The following OTUD7A variants were observed in gnomAD, a reference collection of about 807,000 sequenced individuals.
OTUD7A encodes OTU domain-containing protein 7A.
In OTUD7A, 12 loss-of-function variants were observed where a neutral mutation model predicts 65.7. The observed-to-expected ratio is 0.18, with a 90% CI of 0.12 to 0.30. The LOEUF (loss-of-function observed/expected upper bound fraction) is 0.30. OTUD7A is among the 10% of genes least tolerant of loss of function. OTUD7A has a pLI of 1.00. For missense variants in OTUD7A, 1,148 were observed against 1,304.8 expected, an observed-to-expected ratio of 0.88 and a Z score of 1.85; for synonymous variants, 641 against 586.3, an observed-to-expected ratio of 1.09 and a Z score of -1.35.
At chr15:31,577,832 A>ACC (rs1277637835) in intron 3 of OTUD7A, among the ~76,000 whole-genome samples, 1 of 151,638 alleles carries the variant, frequency 6.6e-6, no homozygotes, top group African/African-American at 2.4e-5. Context: ...AAAAAAAAAA[A>ACC]AACAACACAG....
At chr15:31,629,868 G>A (rs570558447) in intron 3 of OTUD7A, among the ~76,000 whole-genome samples, 1 of 152,344 alleles carries the variant, frequency 6.6e-6, no homozygotes, top group East Asian at 1.9e-4. Context: ...AGATTTTCTA[G>A]TTTATTTGTG....
intron 1 of OTUD7A, among the ~76,000 whole-genome samples, chr15:31,826,158 G>A (rs575949908): frequency 2.0e-5 from 3 of 152,234 alleles, no homozygotes; most frequent in African/African-American, 4.8e-5. Context: ...TCTGTGTGGG[G>A]CTCCGACCCC....
chr15:31,771,603 G>C (rs1895236227), intron 1 of OTUD7A, among the ~76,000 whole-genome samples: 1 of 152,142 alleles, frequency 6.6e-6, no homozygotes, highest in Non-Finnish European at 1.5e-5. Context: ...TTGAATGAAT[G>C]CAACAGCCAC....
In OTUD7A at chr15:31,484,297, T is replaced by G; in HGVS notation, c.1799A>C (p.Asp600Ala). The change falls in exon 13 of 13, where the codon GAC (aspartate) becomes GCC (alanine). Residue 600 changes from aspartate (D) to alanine (A), a missense_variant. Around this residue, in one of 6 missense-constraint regions of OTUD7A, gnomAD observed 842 missense variants for 769.5 expected, o/e 1.09. Coordinates refer to ENST00000307050, the MANE Select transcript of OTUD7A (RefSeq NM_001382637.1). This position sits in a 1 kb window ranked among gnomAD's most constrained non-coding sequence, Gnocchi z 4.5. ...CGCCGGCGACGCGCCCGCTGCCTTG[T>G]CTGTGGGCGACGGCGTGGTCTTTTC... ...PSEKTTPSPT[D>A]KAAGASPAEK... The G allele has an allele frequency of 6.3e-7, 1 of 1,595,978 alleles. No homozygotes were observed. The highest frequency in any genetic ancestry group is 8.5e-7 in the Non-Finnish European group (1 of 1,176,076).
At chr15:31,699,106 G>A (rs1893150464) in intron 1 of OTUD7A, among the ~76,000 whole-genome samples, 1 of 147,488 alleles carries the variant, frequency 6.8e-6, no homozygotes, top group Admixed American at 6.8e-5. Context: ...TTGAGATGGA[G>A]TCTCGCTTTG....
chr15:31,789,867 T>C (rs1313510602), intron 1 of OTUD7A, among the ~76,000 whole-genome samples: 2 of 152,062 alleles, frequency 1.3e-5, no homozygotes, highest in African/African-American at 2.4e-5. Context: ...AGAAACCCTA[T>C]CTCTACTAAA....
chr15:31,858,525 C>T (rs544511131), intron 1 of OTUD7A, among the ~76,000 whole-genome samples: 6 of 152,286 alleles, frequency 3.9e-5, no homozygotes, highest in Middle Eastern at 6.8e-3. Context: ...TAGTTAAGGG[C>T]ACAAAGACTC....
intron 1 of OTUD7A, among the ~76,000 whole-genome samples, chr15:31,710,639 T>C (rs1046829491): frequency 2.6e-5 from 4 of 152,232 alleles, no homozygotes; most frequent in Non-Finnish European, 5.9e-5. Context: ...CCGGGTGGAA[T>C]GATCTGTGAA....
rs557312934 is a variant in OTUD7A, at chr15:31,610,189, G to A, written c.152-39992C>T. On this transcript the variant is annotated intron_variant, in intron 3 of 12. Transcript: ENST00000307050. ...AGACAAAACAAACTTTAAAGCAACA[G>A]CAGTTAAAAGAGACATGGAGGAGGG... Among the ~76,000 whole-genome samples the A allele has an allele frequency of 1.1e-4, 17 of 152,216 alleles. No individual in the cohort carries two copies. The South Asian group carries it at 3.5e-3, about 32-fold the overall frequency.
intron 3 of OTUD7A, among the ~76,000 whole-genome samples, chr15:31,583,022 G>A (rs1889419099): frequency 6.6e-6 from 1 of 151,802 alleles, no homozygotes; most frequent in African/African-American, 2.4e-5. Flanking sequence ...AAGGATTGTT[G>A]AGTGAGAAAA....
rs2141382586 is a variant in OTUD7A at position 31,749,815 on chromosome 15, C to A, written c.-99-92738G>T. Among the ~76,000 whole-genome samples, 2 of 151,924 alleles carry A rather than the reference C, an allele frequency of 1.3e-5. 1 individual carries two copies. The highest frequency in any genetic ancestry group is 3.8e-4 in the East Asian group (2 of 5,204). On this transcript the variant is annotated intron_variant, in intron 1 of 12. Transcript: ENST00000307050. ...ACATAATTCCATACCTTGTAAAACC[C>A]TAAAGATGCCATGAAAAGGGCACTA...
rs1344789704 is a variant in OTUD7A at position 31,477,166 on chromosome 15, C to G, written c.*6128G>C. ...TGAGCCGGTTAATGTTTGTGACAAG[C>G]TCCTCTTCCTCTGCAGCCTTGCTTT... is the stretch of plus-strand genomic sequence containing the variant. On this transcript the variant is annotated 3_prime_UTR_variant, in exon 13 of 13. Transcript: ENST00000307050. 6.6e-6 allele frequency: 1 copy of G among 152,284 alleles called. No homozygotes were observed. Among genetic ancestry groups the G allele is most frequent in the Non-Finnish European group, 1.5e-5 (1 of 68,076 alleles). The allele number at this position is 152,284 out of a possible 1,614,324, so 9.4% of individuals were successfully genotyped here.
At chr15:31,629,645 T>C (rs1891079177) in intron 3 of OTUD7A, among the ~76,000 whole-genome samples, 1 of 152,214 alleles carries the variant, frequency 6.6e-6, no homozygotes. Context: ...TTTCTATTGA[T>C]TGGAATAGTT....
chr15:31,617,494 G>C (rs1004392675), intron 3 of OTUD7A, among the ~76,000 whole-genome samples: 1 of 151,132 alleles, frequency 6.6e-6, no homozygotes, highest in Non-Finnish European at 1.5e-5. Context: ...AAAAAAAAAA[G>C]AAAAAAAGAT....
chr15:31,661,532 T>C (rs531532008), intron 1 of OTUD7A, among the ~76,000 whole-genome samples: 5 of 152,350 alleles, frequency 3.3e-5, no homozygotes, highest in Admixed American at 2.0e-4. Flanking sequence ...TTAAAGCCAA[T>C]GTACCCATGC....
chr15:31,487,545 G>C lies in OTUD7A; in HGVS notation c.1193C>G (p.Ser398Cys), dbSNP rs2041255706. 1.2e-6 allele frequency: 2 copies of C among 1,613,766 alleles called. No homozygotes were observed. The highest frequency in any genetic ancestry group is 1.7e-6 in the Non-Finnish European group (2 of 1,179,986). ...GTGCAGAGGCAGCAGCTTGTGCTCA[G>C]AATCCGTCAGGGGGATCACGGCTGG... ...REQAVIPLTD[S>C]EHKLLPLHFA... is the part of the protein sequence containing the mutation. Residue 398 changes from serine (S) to cysteine (C), a missense_variant, in exon 11 of 13, where the codon TCT (serine) becomes TGT (cysteine). Transcript: ENST00000307050. This position sits in a 1 kb window ranked among gnomAD's most constrained non-coding sequence, Gnocchi z 6.0.
At chr15:31,626,886 TTTTTTTTGTTTTG>T (rs995168840) in intron 3 of OTUD7A, among the ~76,000 whole-genome samples, 3 of 149,510 alleles carry the variant, frequency 2.0e-5, no homozygotes, top group African/African-American at 7.4e-5. Context: ...TATATTTGTT[TTTTTTTTGTTTTG>T]TTTTTTTGTT....
At position 31,500,230 on chromosome 15, in the gene OTUD7A, C is replaced by G. The variant is rs547322994; in HGVS notation, c.1171+1460G>C. ...CCCCGGGAAGGAGGTGCAGGCATTC[C>G]GCATTCCGGATTGAAAGTGGGGAGA... On this transcript the variant is annotated intron_variant, in intron 10 of 12. Transcript: ENST00000307050. 6.6e-5 allele frequency among the ~76,000 whole-genome samples: 10 copies of G among 152,338 alleles called. No individual in the cohort carries two copies. The East Asian group carries it at 1.9e-3, about 29-fold the overall frequency.
intron 8 of OTUD7A, among the ~76,000 whole-genome samples, chr15:31,508,461 C>T (rs137900692): frequency 0.015 from 2,245 of 152,304 alleles, 61 homozygotes; most frequent in African/African-American, 0.052. Context: ...ACCATTCTCC[C>T]GCCTCAGCCT....
Sources: gnomAD v4.1 joint callset for allele counts (sites outside exome capture counted in the v4.1 genomes callset) on GRCh38, gnomAD v4.1.1 for gene constraint, gnomAD v4.1.1 regional missense constraint, Gnocchi (gnomAD v3.1) non-coding constraint, MANE v1.5 for transcripts, NCBI Gene and HGNC (gene_info 2026-07-23, HGNC 2026-07-21) for gene names.